Variants in SMG7 observed in about 807,000 individuals in gnomAD.
The protein encoded by SMG7 is nonsense-mediated mRNA decay factor SMG7.
In SMG7, 34 loss-of-function variants were observed where a neutral mutation model predicts 148.2. The ratio of observed to expected loss-of-function variants is 0.23; its 90% CI spans 0.17 to 0.31. The LOEUF (loss-of-function observed/expected upper bound fraction) is 0.31, where lower values mean the gene tolerates loss of function less well. Among genes scored for constraint, SMG7 ranks in the 10% least tolerant of loss-of-function variants. The pLI is 1.00. For missense variants in SMG7, 1,114 were observed against 1,408.4 expected, an observed-to-expected ratio of 0.79 and a Z score of 3.35; for synonymous variants, 492 against 515.1, an observed-to-expected ratio of 0.96 and a Z score of 0.61.
intron 12 of SMG7, among the ~76,000 whole-genome samples, chr1:183,540,225 A>G (rs1446271125): frequency 6.6e-6 from 1 of 152,202 alleles, no homozygotes; most frequent in Non-Finnish European, 1.5e-5. Flanking sequence ...CAGCTCAGGT[A>G]TCACTCTATG....
At chr1:183,543,288 A>G (rs560922063) in intron 14 of SMG7, among the ~76,000 whole-genome samples, 3 of 152,332 alleles carry the variant, frequency 2.0e-5, no homozygotes, top group African/African-American at 7.2e-5. Context: ...TAGCAAATGT[A>G]TGTGTTTGCA....
rs193000893 is a variant in SMG7 at position 183,495,247 on chromosome 1, G to A, written c.30-17590G>A. Reference sequence around the variant, plus strand: ...TTTCTTTTGTGTTTAAATGCTTGTAGTTGAGCTTCTTAGATTTATAGGCTT... The same window carrying A: ...TTTCTTTTGTGTTTAAATGCTTGTAATTGAGCTTCTTAGATTTATAGGCTT... On this transcript the variant is annotated intron_variant, in intron 1 of 22. Transcript: ENST00000688051. 5.1e-4 allele frequency among the ~76,000 whole-genome samples: 78 copies of A among 152,120 alleles called. 1 individual carries two copies. Among genetic ancestry groups the A allele is most frequent in the African/African-American group, 1.8e-3 (75 of 41,504 alleles).
At chr1:183,500,107 C>CATCA (rs1659418478) in intron 1 of SMG7, among the ~76,000 whole-genome samples, 1 of 152,110 alleles carries the variant, frequency 6.6e-6, no homozygotes, top group African/African-American at 2.4e-5. Flanking sequence ...GGGGAAATAG[C>CATCA]TTTCCTGTTG....
intron 1 of SMG7, among the ~76,000 whole-genome samples, chr1:183,478,306 T>C (rs1653179819): frequency 6.6e-6 from 1 of 152,170 alleles, no homozygotes; most frequent in Admixed American, 6.5e-5. Context: ...CTTTACAGAA[T>C]GTAAAGTAGC....
At chr1:183,524,052 C>A (rs1665325118) in intron 4 of SMG7, among the ~76,000 whole-genome samples, 1 of 150,980 alleles carries the variant, frequency 6.6e-6, no homozygotes, top group Non-Finnish European at 1.5e-5. Context: ...AACTTATTTA[C>A]CCTGTTTTTT....
In SMG7 at chr1:183,529,923, C is replaced by T. The variant is rs373861442; in HGVS notation, c.843+390C>T. 3.3e-5 allele frequency among the ~76,000 whole-genome samples: 5 copies of T among 152,206 alleles called. No homozygotes were observed. The South Asian group carries it at 8.3e-4, about 25-fold the overall frequency. On this transcript the variant is annotated intron_variant, in intron 8 of 22. Transcript: ENST00000688051. ...TCATTATTTTTATTGTGCTTGCATTCATCAGGATTGTGGTAGTTTGAATGA... is the reference window on the plus strand; with the variant it reads ...TCATTATTTTTATTGTGCTTGCATTTATCAGGATTGTGGTAGTTTGAATGA...
At position 183,527,465 on chromosome 1, in the gene SMG7, C is replaced by T. The variant is rs1230504291; in HGVS notation, c.485-491C>T. Among the ~76,000 whole-genome samples, 1 of 152,156 alleles carries T rather than the reference C, an allele frequency of 6.6e-6. No homozygotes were observed. The highest frequency in any genetic ancestry group is 1.5e-5 in the Non-Finnish European group (1 of 68,048). On this transcript the variant is annotated intron_variant, in intron 5 of 22. Transcript: ENST00000688051. The surrounding 1 kb of genome is among the most constrained non-coding windows in gnomAD (Gnocchi z 4.0). ...AGTTTGGCAGGGAGATTCATTGATA[C>T]TGTGTTTAGGTTGTTTTGCTTTAAA...
At chr1:183,493,482 C>A (rs1657573202) in intron 1 of SMG7, among the ~76,000 whole-genome samples, 1 of 152,168 alleles carries the variant, frequency 6.6e-6, no homozygotes, top group Admixed American at 6.5e-5. Context: ...TGTGCACTTA[C>A]AAAGAAGGTG....
chr1:183,520,880 GT>G (rs1664609093), intron 4 of SMG7, among the ~76,000 whole-genome samples: 1 of 151,968 alleles, frequency 6.6e-6, no homozygotes, highest in Non-Finnish European at 1.5e-5. Flanking sequence ...CTCAAAAATT[GT>G]TTTTTAAAGG....
chr1:183,534,978 A>G (rs1299210598), intron 10 of SMG7, among the ~76,000 whole-genome samples: 1 of 152,186 alleles, frequency 6.6e-6, no homozygotes, highest in African/African-American at 2.4e-5. Flanking sequence ...ACAGCATACT[A>G]TATACATCTC....
chr1:183,511,132 C>T (rs1209953722), intron 1 of SMG7, among the ~76,000 whole-genome samples: 2 of 151,210 alleles, frequency 1.3e-5, no homozygotes, highest in Non-Finnish European at 2.9e-5. Context: ...CCCAGTCTCT[C>T]TCTCTCAAAA....
At chr1:183,538,578 AG>A in intron 12 of SMG7, 138 bp downstream of exon 12, 4 of 677,928 alleles carry the variant, frequency 5.9e-6, no homozygotes, top group Non-Finnish European at 1.1e-5. Context: ...TAATACTGAA[AG>A]TTGTTGTGAA....
At position 183,552,580 on chromosome 1, in the gene SMG7, G is replaced by C. The variant is rs150137888; in HGVS notation, c.*649G>C. The C allele has an allele frequency of 4.8e-5, 49 of 1,018,820 alleles. No individual in the cohort carries two copies. The East Asian group carries it at 3.8e-3, about 80-fold the overall frequency. 63.1% of individuals were successfully genotyped at this position (1,018,820 alleles called of 1,614,324 possible). ...ATAAGGGAGAGTTCAAGGCCTGTCA[G>C]AAGGCTCTGGTAGGCCTTCCTCTGG... is the stretch of plus-strand genomic sequence containing the variant. On this transcript the variant is annotated 3_prime_UTR_variant, in exon 23 of 23. Coordinates refer to ENST00000688051, the MANE Select transcript of SMG7 (RefSeq NM_001375584.1).
intron 1 of SMG7, among the ~76,000 whole-genome samples, chr1:183,479,769 G>A: frequency 6.6e-6 from 1 of 152,190 alleles, no homozygotes; most frequent in Non-Finnish European, 1.5e-5. Flanking sequence ...TGTAAGTATA[G>A]GCAAGAAGTT....
chr1:183,492,039 A>G (rs1285771288), intron 1 of SMG7, among the ~76,000 whole-genome samples: 4 of 152,236 alleles, frequency 2.6e-5, no homozygotes, highest in Admixed American at 6.5e-5. Context: ...TCCTAAAGGC[A>G]TCACCTCTTA....
At chr1:183,507,961 A>G (rs1052717242) in intron 1 of SMG7, among the ~76,000 whole-genome samples, 3 of 152,086 alleles carry the variant, frequency 2.0e-5, no homozygotes, top group African/African-American at 7.2e-5. Context: ...AGCTATGTTT[A>G]ATAGTGTTAT....
chr1:183,472,637 C>G lies in SMG7; in HGVS notation c.17C>G (p.Ala6Gly). The part of the protein sequence containing the change: MSLQS[A>G]QYLRQAEVLK... The stretch of plus-strand genomic sequence containing the variant: ...CGGCGGAGGATGAGCCTGCAGAGCG[C>G]GCAGTACCTCCGGTGAGTGCCGAGG... The change falls in exon 1 of 23, where the codon GCG becomes GGG. Residue 6 changes from alanine (A) to glycine (G), a missense_variant. By Grantham distance (60) the Ala-to-Gly change is moderately conservative. Around this residue, in one of 4 missense-constraint regions of SMG7, gnomAD observed 216 missense variants for 329.1 expected, o/e 0.66. Transcript: ENST00000688051. The G allele has an allele frequency of 6.8e-7, 1 of 1,466,270 alleles. No individual in the cohort carries two copies. 90.8% of individuals were successfully genotyped at this position (1,466,270 alleles called of 1,614,324 possible).
intron 4 of SMG7, among the ~76,000 whole-genome samples, chr1:183,526,373 C>CA (rs1393125980): frequency 6.6e-6 from 1 of 151,694 alleles, no homozygotes; most frequent in East Asian, 1.9e-4. Context: ...AGGCTGGTCT[C>CA]AAACTCCTGA....
intron 4 of SMG7, among the ~76,000 whole-genome samples, chr1:183,525,797 G>A (rs1002455531): frequency 1.3e-5 from 2 of 152,128 alleles, no homozygotes; most frequent in African/African-American, 4.8e-5. Context: ...CAGTAAAGGT[G>A]TACACTACGG....
Sources: gnomAD v4.1 joint callset for allele counts (sites outside exome capture counted in the v4.1 genomes callset) on GRCh38, gnomAD v4.1.1 for gene constraint, gnomAD v4.1.1 regional missense constraint, Gnocchi (gnomAD v3.1) non-coding constraint, MANE v1.5 for transcripts, NCBI Gene and HGNC (gene_info 2026-07-23, HGNC 2026-07-21) for gene names.